Variants in FLI1 observed in about 807,000 individuals in gnomAD.
The protein encoded by FLI1 is Fli-1 proto-oncogene, ETS transcription factor.
Under a neutral mutation model 53.1 loss-of-function variants are expected in FLI1, and 13 were observed. The ratio of observed to expected loss-of-function variants is 0.24; its 90% CI spans 0.16 to 0.39. FLI1 has a LOEUF of 0.39. FLI1 is among the 10% of genes least tolerant of loss of function. The pLI, the probability that FLI1 is intolerant of heterozygous loss-of-function variation, is 1.00. For synonymous variants in FLI1, 244 were observed against 236.7 expected (o/e 1.03, Z -0.28); for missense variants, 424 against 600.5 (o/e 0.71, Z 3.07).
intron 5 of FLI1, chr11:128,804,162 A>G (rs528129883): frequency 2.0e-5 from 3 of 152,230 alleles, no homozygotes; most frequent in Non-Finnish European, 2.9e-5. Context: ...AGCCAGAAAC[A>G]ATGAGGCCAG....
intron 2 of FLI1, among the ~76,000 whole-genome samples, chr11:128,763,828 G>T (rs1260125131): frequency 6.6e-6 from 1 of 152,216 alleles, no homozygotes; most frequent in Non-Finnish European, 1.5e-5. Context: ...GTGGATTAGG[G>T]CGGTGGCTTT....
intron 1 of FLI1, among the ~76,000 whole-genome samples, chr11:128,743,544 G>A (rs1228424703): frequency 6.6e-6 from 1 of 152,086 alleles, no homozygotes; most frequent in African/African-American, 2.4e-5. Flanking sequence ...TGTCCACCTG[G>A]TAGGTTAATT....
At chr11:128,704,271 A>G (rs972921397) in intron 1 of FLI1, among the ~76,000 whole-genome samples, 1 of 151,744 alleles carries the variant, frequency 6.6e-6, no homozygotes, top group Non-Finnish European at 1.5e-5. Flanking sequence ...TCTCAGGGCT[A>G]CATTTTGTAC....
intron 5 of FLI1, among the ~76,000 whole-genome samples, chr11:128,792,093 CTTG>C (rs1426561957): frequency 2.0e-5 from 3 of 152,174 alleles, no homozygotes; most frequent in African/African-American, 7.2e-5. Context: ...TTCATAAAAC[CTTG>C]TTAAGTTGGC....
chr11:128,719,650 T>C (rs367887686), intron 1 of FLI1, among the ~76,000 whole-genome samples: 15 of 152,230 alleles, frequency 9.9e-5, no homozygotes, highest in African/African-American at 3.6e-4. Context: ...TCATCCCGTC[T>C]ACTCATGTTT....
Position 128,810,340 on chromosome 11 carries a change from T to C in FLI1, c.830-119T>C. 2 of 1,014,470 alleles carry C rather than the reference T, an allele frequency of 2.0e-6. No individual in the cohort carries two copies. Among genetic ancestry groups the C allele is most frequent in the Middle Eastern group, 3.1e-4 (1 of 3,264 alleles). The allele number at this position is 1,014,470 out of a possible 1,614,324, so 62.8% of individuals were successfully genotyped here. On this transcript the variant is annotated intron_variant, in intron 8 of 8. Coordinates refer to ENST00000527786, the MANE Select transcript of FLI1 (RefSeq NM_002017.5). The surrounding 1 kb of genome is among the most constrained non-coding windows in gnomAD (Gnocchi z 6.6). ...AGGGCTTGTCAAGTCGATCCCAATGTCGAAGGAAACAAAAGGTTTCTTTAA... is the reference window on the plus strand; with the variant it reads ...AGGGCTTGTCAAGTCGATCCCAATGCCGAAGGAAACAAAAGGTTTCTTTAA...
At chr11:128,788,799 T>C (rs1339660951) in intron 5 of FLI1, among the ~76,000 whole-genome samples, 1 of 152,342 alleles carries the variant, frequency 6.6e-6, no homozygotes. Context: ...CTGTGATTCA[T>C]GCTCTCCTCC....
At chr11:128,693,589 G>C (rs1239738790), upstream of FLI1, among the ~76,000 whole-genome samples, 2 of 152,080 alleles carry the variant, frequency 1.3e-5, no homozygotes, top group African/African-American at 4.8e-5. Context: ...GGGAAGAAAC[G>C]GAAAGTGAAT....
Position 128,764,531 on chromosome 11 carries a change from C to A in FLI1, c.231-3587C>A. 3 of 930,924 alleles carry A rather than the reference C, an allele frequency of 3.2e-6. No individual in the cohort carries two copies. The South Asian group carries it at 4.2e-5, about 13-fold the overall frequency. The allele number at this position is 930,924 out of a possible 1,614,324, so 57.7% of individuals were successfully genotyped here. ...GCTATCAGCTGCCAGTGGGCCCCAG[C>A]CCCATGCTAGCTGTAAGTGCAGGTC... On this transcript the variant is annotated intron_variant, in intron 2 of 8. Coordinates refer to ENST00000527786, the MANE Select transcript of FLI1 (RefSeq NM_002017.5).
chr11:128,783,920 G>GGA (rs562968614), intron 5 of FLI1, among the ~76,000 whole-genome samples: 1 of 151,436 alleles, frequency 6.6e-6, no homozygotes, highest in Non-Finnish European at 1.5e-5. Context: ...ATGACTAGAG[G>GGA]GAGAGAGAGA....
intron 1 of FLI1, among the ~76,000 whole-genome samples, chr11:128,722,139 T>C (rs1275537652): frequency 2.0e-5 from 3 of 152,138 alleles, no homozygotes; most frequent in Non-Finnish European, 2.9e-5. Context: ...GTCCAGGAGG[T>C]TCATGTAAAA....
chr11:128,741,510 C>T (rs1224828652), intron 1 of FLI1, among the ~76,000 whole-genome samples: 5 of 152,372 alleles, frequency 3.3e-5, no homozygotes, highest in Middle Eastern at 6.8e-3. Flanking sequence ...CTCTCTCTCC[C>T]GCCTTTCCAG....
chr11:128,723,638 A>G (rs1939348893), intron 1 of FLI1, among the ~76,000 whole-genome samples: 1 of 152,354 alleles, frequency 6.6e-6, no homozygotes, highest in South Asian at 2.1e-4. Context: ...AAGTAGATCA[A>G]TGCAACCCAT....
chr11:128,778,551 T>G (rs1190410852), intron 4 of FLI1, among the ~76,000 whole-genome samples: 1 of 152,238 alleles, frequency 6.6e-6, no homozygotes, highest in African/African-American at 2.4e-5. Flanking sequence ...GAAAATGATA[T>G]GACTTCGCTG....
intron 3 of FLI1, among the ~76,000 whole-genome samples, chr11:128,771,475 C>A (rs755142112): frequency 7.2e-5 from 11 of 152,232 alleles, no homozygotes; most frequent in Non-Finnish European, 1.6e-4. Context: ...GGGAAACTTG[C>A]CTCTGGCTGC....
At chr11:128,784,158 G>C (rs765327194) in intron 5 of FLI1, among the ~76,000 whole-genome samples, 4 of 151,380 alleles carry the variant, frequency 2.6e-5, no homozygotes, top group African/African-American at 4.9e-5. Flanking sequence ...CTGATATTGG[G>C]CTTCAGATAT....
intron 1 of FLI1, among the ~76,000 whole-genome samples, chr11:128,731,681 C>T (rs1939706200): frequency 6.6e-6 from 1 of 152,172 alleles, no homozygotes; most frequent in Non-Finnish European, 1.5e-5. Context: ...GATTTGACCT[C>T]AGAACCGTCT....
At chr11:128,747,141 C>T (rs145433243) in intron 1 of FLI1, among the ~76,000 whole-genome samples, 4 of 152,198 alleles carry the variant, frequency 2.6e-5, no homozygotes, top group South Asian at 4.1e-4. Context: ...ATCTGTAAGG[C>T]GCGGGCTGCA....
upstream of FLI1, among the ~76,000 whole-genome samples, chr11:128,690,487 C>A (rs1163852481): frequency 6.6e-6 from 1 of 152,194 alleles, no homozygotes; most frequent in African/African-American, 2.4e-5. Flanking sequence ...CCGGGAAGCC[C>A]GTGTCTGGAA....
Sources: gnomAD v4.1 joint callset for allele counts (sites outside exome capture counted in the v4.1 genomes callset) on GRCh38, gnomAD v4.1.1 for gene constraint, Gnocchi (gnomAD v3.1) non-coding constraint, MANE v1.5 for transcripts, NCBI Gene and HGNC (gene_info 2026-07-23, HGNC 2026-07-21) for gene names.